CAPN14: variants seen among roughly 807,000 people sequenced by gnomAD.
The protein encoded by CAPN14 is calpain 14.
A neutral mutation model predicts 101.3 loss-of-function variants in CAPN14; 94 were observed. That is an observed-to-expected ratio of 0.93 (90% CI 0.79 to 1.10). CAPN14 has a LOEUF of 1.10. Among genes scored for constraint, CAPN14 ranks in the 50% least tolerant of loss-of-function variants. The pLI, the probability that CAPN14 is intolerant of heterozygous loss-of-function variation, is 0.00. For synonymous variants in CAPN14, 338 were observed against 317.9 expected (o/e 1.06, Z -0.67); for missense variants, 837 against 828.4 (o/e 1.01, Z -0.13).
At chr2:31,203,549 T>C (rs1681907090) in intron 2 of CAPN14, among the ~76,000 whole-genome samples, 1 of 152,178 alleles carries the variant, frequency 6.6e-6, no homozygotes, top group African/African-American at 2.4e-5. Context: ...CTTTTCCTGA[T>C]GCGATGCAGC....
At chr2:31,222,350 T>C (rs1333191830), upstream of CAPN14, among the ~76,000 whole-genome samples, 1 of 152,134 alleles carries the variant, frequency 6.6e-6, no homozygotes, top group Non-Finnish European at 1.5e-5. Context: ...CATAGCAACC[T>C]TCACTTTGAC....
chr2:31,177,193 T>A, intron 19 of CAPN14, 51 bp from the exon 20 acceptor site: 6 of 1,269,312 alleles, frequency 4.7e-6, no homozygotes, highest in Non-Finnish European at 6.7e-6. Context: ...TGCACCCAGC[T>A]CCCCTCCTGC....
chr2:31,206,282 C>T (rs542357068), intron 1 of CAPN14, among the ~76,000 whole-genome samples: 88 of 152,244 alleles, frequency 5.8e-4, no homozygotes, highest in South Asian at 3.9e-3. Context: ...AGGGTAAAAC[C>T]CCAGGCTCCA....
chr2:31,201,951 C>A lies in CAPN14; in HGVS notation c.462G>T (p.Leu154=). 1 of 1,551,752 alleles carries A rather than the reference C, an allele frequency of 6.4e-7. No individual in the cohort carries two copies. Among genetic ancestry groups the A allele is most frequent in the Middle Eastern group, 1.7e-4 (1 of 5,992 alleles). ...CCAGCTGGCCAGCCTCATTCACAGG[C>A]AGACGGTCATCGATCACCACAGGAA... The part of the protein sequence containing the change: ...NWVPVVIDDR[L]PVNEAGQLVF... The change falls in exon 5 of 22, where the codon CTG becomes CTT. Residue 154 remains leucine, a synonymous_variant. Coordinates refer to ENST00000403897, the MANE Select transcript of CAPN14 (RefSeq NM_001145122.2).
intron 10 of CAPN14, 30 bp downstream of exon 10, chr2:31,193,101 T>C (rs7591444): frequency 0.57 from 870,481 of 1,533,986 alleles, 249,198 homozygotes; most frequent in East Asian, 0.66. Context: ...AACCTCACCC[T>C]GAGAGCCCTG....
chr2:31,213,266 A>G (rs144426778), intron 1 of CAPN14, among the ~76,000 whole-genome samples: 164 of 152,228 alleles, frequency 1.1e-3, no homozygotes, highest in African/African-American at 3.8e-3. Context: ...TACTGTGCCT[A>G]CTCTCAGAAC....
chr2:31,214,766 G>A (rs746820464), intron 1 of CAPN14, among the ~76,000 whole-genome samples: 6 of 152,158 alleles, frequency 3.9e-5, no homozygotes, highest in African/African-American at 9.7e-5. Context: ...GAGTTGCCAC[G>A]ACCTGGACAC....
chr2:31,191,995 C>T lies in CAPN14; in HGVS notation c.1218G>A (p.Lys406=). Residue 406 remains lysine, a synonymous_variant, in exon 11 of 22, where the codon AAG becomes AAA. Transcript: ENST00000403897. ...TCCGCTTGCGGCACCTGTGCCTGGG[C>T]TTCTGGAGCAGGGACACCAGCACGC... ...PCSVLVSLLQ[K]PRHRCRKRKP... is the part of the protein sequence containing the mutation. 6.4e-7 allele frequency: 1 copy of T among 1,551,634 alleles called. No individual in the cohort carries two copies. The highest frequency in any genetic ancestry group is 2.0e-5 in the Admixed American group (1 of 50,998).
At position 31,202,088 on chromosome 2, in the gene CAPN14, T is replaced by G; in HGVS notation, c.414+46A>C. ...GAAGACATGGTCCTCCAGGAACCCTTTTTCCTATGACTCCCTCTGGGCTGA... is the reference window on the plus strand; with the variant it reads ...GAAGACATGGTCCTCCAGGAACCCTGTTTCCTATGACTCCCTCTGGGCTGA... On this transcript the variant is annotated intron_variant, in intron 4 of 21. Coordinates refer to ENST00000403897, the MANE Select transcript of CAPN14 (RefSeq NM_001145122.2). 3 of 1,550,398 alleles carry G rather than the reference T, an allele frequency of 1.9e-6. No individual in the cohort carries two copies. The South Asian group carries it at 3.6e-5, about 18-fold the overall frequency.
At chr2:31,181,342 C>A (rs924068031) in intron 16 of CAPN14, among the ~76,000 whole-genome samples, 1 of 151,924 alleles carries the variant, frequency 6.6e-6, no homozygotes, top group South Asian at 2.1e-4. Context: ...AAGCTCCCAA[C>A]CAAACTGGGG....
intron 8 of CAPN14, among the ~76,000 whole-genome samples, chr2:31,195,271 C>T (rs1305395425): frequency 3.9e-5 from 6 of 152,170 alleles, no homozygotes; most frequent in Non-Finnish European, 7.3e-5. Flanking sequence ...AAGACTGGAC[C>T]GTAAGCAGGA....
intron 16 of CAPN14, among the ~76,000 whole-genome samples, chr2:31,182,869 C>T (rs1680717192): frequency 6.6e-6 from 1 of 151,536 alleles, no homozygotes; most frequent in Admixed American, 6.6e-5. Flanking sequence ...AAAGAGCCCG[C>T]ATCGCCAAGT....
In CAPN14 at chr2:31,203,050, T is replaced by C. The variant is rs777977896; in HGVS notation, c.295+20A>G. On this transcript the variant is annotated intron_variant, in intron 3 of 21. Coordinates refer to ENST00000403897, the MANE Select transcript of CAPN14 (RefSeq NM_001145122.2). ...CAGCAGGCAGCCTAGTGTCTGTCTCTCGGGGCTGTGCAAACTTACCTACTA... is the reference window on the plus strand; with the variant it reads ...CAGCAGGCAGCCTAGTGTCTGTCTCCCGGGGCTGTGCAAACTTACCTACTA... The C allele has an allele frequency of 1.9e-6, 3 of 1,549,624 alleles. No homozygotes were observed. In the South Asian group the frequency reaches 3.6e-5, roughly 18 times the overall value.
intron 7 of CAPN14, 71 bp from the exon 8 acceptor site, chr2:31,197,405 G>A (rs900946937): frequency 2.0e-5 from 22 of 1,084,688 alleles, no homozygotes; most frequent in African/African-American, 4.7e-5. Flanking sequence ...AGTGAGACTC[G>A]GGCCTGGAGC....
At chr2:31,209,073 G>C (rs1682255761) in intron 1 of CAPN14, among the ~76,000 whole-genome samples, 1 of 151,778 alleles carries the variant, frequency 6.6e-6, no homozygotes, top group Admixed American at 6.6e-5. Context: ...GGGCTTAAGG[G>C]ATCCTTCTGC....
intron 19 of CAPN14, 36 bp from the exon 20 acceptor site, chr2:31,177,178 GGGCT>G: frequency 5.5e-6 from 8 of 1,458,678 alleles, no homozygotes; most frequent in African/African-American, 1.4e-5. Flanking sequence ...TGGGTATTGG[GGGCT>G]TGCACCCAGC....
chr2:31,177,585 G>C (rs1680368067), intron 19 of CAPN14, among the ~76,000 whole-genome samples, 161 bp downstream of exon 19: 1 of 152,200 alleles, frequency 6.6e-6, no homozygotes, highest in Non-Finnish European at 1.5e-5. Context: ...GGATCACAGG[G>C]ACAATCATAA....
At chr2:31,202,581 GTTC>G (rs1681850779) in intron 3 of CAPN14, among the ~76,000 whole-genome samples, 1 of 152,138 alleles carries the variant, frequency 6.6e-6, no homozygotes, top group South Asian at 2.1e-4. Flanking sequence ...ACTGATTTAT[GTTC>G]TTCTGGGAAA....
At chr2:31,199,428 G>A in intron 7 of CAPN14, 42 bp downstream of exon 7, 2 of 1,504,890 alleles carry the variant, frequency 1.3e-6, no homozygotes, top group African/African-American at 2.8e-5. Flanking sequence ...GAGAGGGAAG[G>A]GCAAGGCTGA....
Sources: gnomAD v4.1 joint callset for allele counts (sites outside exome capture counted in the v4.1 genomes callset) on GRCh38, gnomAD v4.1.1 for gene constraint, MANE v1.5 for transcripts, NCBI Gene and HGNC (gene_info 2026-07-23, HGNC 2026-07-21) for gene names.